Variants in TMEM232 observed in about 807,000 individuals in gnomAD.
TMEM232 encodes the protein transmembrane protein 232.
A neutral mutation model predicts 78.8 loss-of-function variants in TMEM232; 80 were observed. The observed-to-expected ratio is 1.01, with a 90% CI of 0.85 to 1.22. TMEM232 has a LOEUF of 1.22. Among genes scored for constraint, TMEM232 ranks in the 50% most tolerant of loss-of-function variants. The pLI is 0.00. For missense variants in TMEM232, 881 were observed against 742.2 expected (o/e 1.19, Z -2.17); for synonymous variants, 297 against 254.3 (o/e 1.17, Z -1.60).
At chr5:110,500,785 C>G (rs1001675995) in intron 12 of TMEM232, among the ~76,000 whole-genome samples, 1 of 152,146 alleles carries the variant, frequency 6.6e-6, no homozygotes, top group Non-Finnish European at 1.5e-5. Flanking sequence ...TCTACGTTTA[C>G]AATTCAGTAT....
intron 12 of TMEM232, among the ~76,000 whole-genome samples, chr5:110,485,499 A>G (rs1248110708): frequency 6.6e-6 from 1 of 152,114 alleles, no homozygotes; most frequent in Admixed American, 6.6e-5. Flanking sequence ...CCATTGTATC[A>G]TTCTTATGCT....
chr5:110,403,460 G>T (rs928364861), intron 2 of TMEM232, among the ~76,000 whole-genome samples: 1 of 151,912 alleles, frequency 6.6e-6, no homozygotes, highest in Non-Finnish European at 1.5e-5. Flanking sequence ...GTGCAGCTTC[G>T]GCTATCCATA....
In TMEM232 at chr5:110,657,685, T is replaced by C. The variant is rs192777331; in HGVS notation, c.125+9543A>G. 1.2e-3 allele frequency among the ~76,000 whole-genome samples: 176 copies of C among 152,202 alleles called. 1 individual carries two copies. Among genetic ancestry groups the C allele is most frequent in the Non-Finnish European group, 2.0e-3 (135 of 67,970 alleles). On this transcript the variant is annotated intron_variant, in intron 2 of 13. Transcript: ENST00000455884. ...TTTGTTTTCGTGTTCTATTACACAG[T>C]AGGGTGACTATAGTAAATAACAATG...
At chr5:110,731,379 G>C (rs114886762), upstream of TMEM232, among the ~76,000 whole-genome samples, 1,005 of 152,336 alleles carry the variant, frequency 6.6e-3, 11 homozygotes, top group African/African-American at 0.023. Flanking sequence ...CCCCAGTAGG[G>C]ACTCTGTGTG....
chr5:110,506,912 T>C (rs1369034682), intron 12 of TMEM232, among the ~76,000 whole-genome samples: 3 of 152,196 alleles, frequency 2.0e-5, no homozygotes, highest in Non-Finnish European at 1.5e-5. Context: ...TTTCTTTTTT[T>C]CTGTCTTCCA....
At chr5:110,564,602 C>T (rs984031484) in intron 11 of TMEM232, among the ~76,000 whole-genome samples, 2 of 151,864 alleles carry the variant, frequency 1.3e-5, no homozygotes, top group African/African-American at 4.8e-5. Context: ...AATTAATTTA[C>T]GACCAGTAAG....
intron 11 of TMEM232, among the ~76,000 whole-genome samples, chr5:110,551,415 G>C (rs913199381): frequency 6.6e-6 from 1 of 151,086 alleles, no homozygotes; most frequent in South Asian, 2.1e-4. Flanking sequence ...AGTAGAGATG[G>C]GGTTTCACCA....
intron 12 of TMEM232, among the ~76,000 whole-genome samples, chr5:110,428,275 T>A (rs1757461444): frequency 6.6e-6 from 1 of 151,878 alleles, no homozygotes; most frequent in Middle Eastern, 3.2e-3. Flanking sequence ...AGCCTTAACA[T>A]TCCCCTCAGT....
At chr5:110,718,386 G>C (rs916539950) in intron 1 of TMEM232, among the ~76,000 whole-genome samples, 1 of 152,210 alleles carries the variant, frequency 6.6e-6, no homozygotes, top group Non-Finnish European at 1.5e-5. Flanking sequence ...ATATTGATGA[G>C]AAGCATTTCT....
At position 110,659,448 on chromosome 5, in the gene TMEM232, G is replaced by A. The variant is rs145865032; in HGVS notation, c.125+7780C>T. On this transcript the variant is annotated intron_variant, in intron 2 of 13. Coordinates refer to ENST00000455884, the MANE Select transcript of TMEM232 (RefSeq NM_001039763.4). ...ATTTAGTTTCAGTTGTCCCAGGCTG[G>A]TACACTTACAGGTGCCTGGGAGAGA... Among the ~76,000 whole-genome samples, 304 of 152,228 alleles carry A rather than the reference G, an allele frequency of 2.0e-3. 3 individuals carry two copies. The highest frequency in any genetic ancestry group is 3.4e-3 in the Middle Eastern group (1 of 294).
At chr5:110,491,126 A>G (rs925221973) in intron 12 of TMEM232, among the ~76,000 whole-genome samples, 1 of 149,540 alleles carries the variant, frequency 6.7e-6, no homozygotes, top group African/African-American at 2.5e-5. Flanking sequence ...TGACTCAGTG[A>G]TAACAGACAA....
At chr5:110,671,603 T>C (rs1172920920) in intron 1 of TMEM232, among the ~76,000 whole-genome samples, 2 of 152,176 alleles carry the variant, frequency 1.3e-5, no homozygotes, top group South Asian at 2.1e-4. Context: ...TGCAGGGACA[T>C]GGATGAAGCT....
intron 12 of TMEM232, among the ~76,000 whole-genome samples, chr5:110,475,445 A>AT (rs61667699): frequency 0.62 from 68,041 of 109,946 alleles, 23,770 homozygotes; most frequent in Non-Finnish European, 0.78. Context: ...TTATACTTTG[A>AT]TTTTTTTTTT....
intron 11 of TMEM232, among the ~76,000 whole-genome samples, chr5:110,530,562 T>G (rs1365101060): frequency 2.0e-5 from 3 of 152,122 alleles, no homozygotes; most frequent in African/African-American, 7.2e-5. Flanking sequence ...AGAAGAAAAT[T>G]CTACCATTTG....
intron 10 of TMEM232, among the ~76,000 whole-genome samples, chr5:110,580,799 G>A (rs145175839): frequency 3.9e-4 from 59 of 151,380 alleles, no homozygotes; most frequent in African/African-American, 1.3e-3. Context: ...CACAATGAAC[G>A]TCTTCACAAA....
chr5:110,479,970 A>AT (rs113762498), intron 12 of TMEM232, among the ~76,000 whole-genome samples: 3 of 151,538 alleles, frequency 2.0e-5, no homozygotes, highest in Admixed American at 6.6e-5. Flanking sequence ...ACATAATTTC[A>AT]TTTTTTTTCC....
At chr5:110,412,271 T>G (rs927369073) in intron 2 of TMEM232, among the ~76,000 whole-genome samples, 1 of 152,234 alleles carries the variant, frequency 6.6e-6, no homozygotes, top group African/African-American at 2.4e-5. Context: ...CAGCAGGAGA[T>G]AATTGGGAAT....
At chr5:110,538,719 C>A (rs1340227366) in intron 11 of TMEM232, among the ~76,000 whole-genome samples, 2 of 152,072 alleles carry the variant, frequency 1.3e-5, no homozygotes, top group Non-Finnish European at 2.9e-5. Context: ...ACCGAAGGGG[C>A]CTGGGGTCTT....
At chr5:110,588,756 T>A (rs1779151786) in intron 10 of TMEM232, among the ~76,000 whole-genome samples, 1 of 152,136 alleles carries the variant, frequency 6.6e-6, no homozygotes, top group Non-Finnish European at 1.5e-5. Context: ...GAGTCCTACC[T>A]CTCTGTTGAC....
Sources: gnomAD v4.1 joint callset for allele counts (sites outside exome capture counted in the v4.1 genomes callset) on GRCh38, gnomAD v4.1.1 for gene constraint, MANE v1.5 for transcripts, NCBI Gene and HGNC (gene_info 2026-07-23, HGNC 2026-07-21) for gene names.